OTUD7A: variants seen among roughly 807,000 people sequenced by gnomAD.
The protein encoded by OTUD7A is OTU deubiquitinase 7A, also known as OTU domain-containing protein 7A.
In OTUD7A, 12 loss-of-function variants were observed where a neutral mutation model predicts 65.7. That is an observed-to-expected ratio of 0.18 (90% confidence interval 0.12 to 0.30). The LOEUF (loss-of-function observed/expected upper bound fraction) is 0.30. Ranked by LOEUF, OTUD7A falls within the 10% of genes least tolerant of loss-of-function variation. The pLI, the probability that OTUD7A is intolerant of heterozygous loss-of-function variation, is 1.00. For synonymous variants in OTUD7A, 641 were observed against 586.3 expected (o/e 1.09, Z -1.35); for missense variants, 1,148 against 1,304.8 (o/e 0.88, Z 1.85).
chr15:31,628,155 G>A (rs1458842655), intron 3 of OTUD7A, among the ~76,000 whole-genome samples: 4 of 152,136 alleles, frequency 2.6e-5, no homozygotes, highest in African/African-American at 9.7e-5. Flanking sequence ...TTTTAGACAT[G>A]AAGTCCTTGC....
intron 1 of OTUD7A, among the ~76,000 whole-genome samples, chr15:31,836,513 T>C (rs1351976493): frequency 6.6e-6 from 1 of 152,192 alleles, no homozygotes; most frequent in Non-Finnish European, 1.5e-5. Context: ...CAACTAATTG[T>C]ATGAGGCTCA....
chr15:31,701,386 ATTAT>A (rs1157606583), intron 1 of OTUD7A, among the ~76,000 whole-genome samples: 2 of 151,120 alleles, frequency 1.3e-5, no homozygotes, highest in Non-Finnish European at 2.9e-5. Context: ...TTAAAAAATT[ATTAT>A]TTAAAGTTAT....
At chr15:31,532,424 T>G (rs1046803327) in intron 5 of OTUD7A, among the ~76,000 whole-genome samples, 4 of 151,744 alleles carry the variant, frequency 2.6e-5, no homozygotes, top group Non-Finnish European at 5.9e-5. Flanking sequence ...TTTTAAAAAC[T>G]CAATGGATGT....
intron 1 of OTUD7A, among the ~76,000 whole-genome samples, chr15:31,821,114 A>ATAAATCAG (rs1896668650): frequency 1.3e-5 from 2 of 150,138 alleles, no homozygotes; most frequent in South Asian, 4.2e-4. Flanking sequence ...TCGTTGTGGC[A>ATAAATCAG]TAAATCAGTT....
At chr15:31,553,618 T>C (rs547235429) in intron 5 of OTUD7A, among the ~76,000 whole-genome samples, 1 of 151,734 alleles carries the variant, frequency 6.6e-6, no homozygotes. Flanking sequence ...TCAGGCAACA[T>C]TATCTACCCC....
rs1216529975 is a variant in OTUD7A, at chr15:31,476,706, G to A, written c.*6588C>T. The A allele has an allele frequency of 6.6e-6, 1 of 152,242 alleles. No individual in the cohort carries two copies. Among genetic ancestry groups the A allele is most frequent in the Non-Finnish European group, 1.5e-5 (1 of 68,060 alleles). 9.4% of individuals were successfully genotyped at this position (152,242 alleles called of 1,614,324 possible). A position where few individuals can be genotyped will look rare whatever the true frequency, so the allele number is the denominator to read the frequency against. The stretch of plus-strand genomic sequence containing the variant: ...CCTCCCACGAGGGACCTGAAAATAT[G>A]GCATCAAGAGAAATGACAGCAAAAC... On this transcript the variant is annotated 3_prime_UTR_variant, in exon 13 of 13. Coordinates refer to ENST00000307050, the MANE Select transcript of OTUD7A (RefSeq NM_001382637.1).
chr15:31,841,136 T>C (rs568921580), intron 1 of OTUD7A, among the ~76,000 whole-genome samples: 2 of 152,232 alleles, frequency 1.3e-5, no homozygotes, highest in Admixed American at 6.5e-5. Context: ...GTGGGGGCTG[T>C]GGTGTGGCAG....
chr15:31,565,577 A>G (rs1167606897), intron 4 of OTUD7A, among the ~76,000 whole-genome samples: 1 of 152,220 alleles, frequency 6.6e-6, no homozygotes, highest in Non-Finnish European at 1.5e-5. Context: ...TTTAAGGTTT[A>G]GATGGCAAAA....
intron 1 of OTUD7A, among the ~76,000 whole-genome samples, chr15:31,800,662 T>C (rs1348234923): frequency 6.6e-6 from 1 of 152,164 alleles, no homozygotes; most frequent in African/African-American, 2.4e-5. Flanking sequence ...CTCCCATTCT[T>C]AGGCCCCTCT....
intron 1 of OTUD7A, among the ~76,000 whole-genome samples, chr15:31,778,493 T>C (rs193234997): frequency 2.0e-4 from 30 of 152,316 alleles, no homozygotes; most frequent in Admixed American, 2.0e-3. Flanking sequence ...AGTTGACCAA[T>C]GCCCTGAACT....
At chr15:31,760,680 CT>C (rs958018462) in intron 1 of OTUD7A, among the ~76,000 whole-genome samples, 6 of 151,872 alleles carry the variant, frequency 4.0e-5, no homozygotes, top group African/African-American at 9.7e-5. Context: ...TTCCAGCTGG[CT>C]TTTTTTTCAG....
At chr15:31,700,468 T>C (rs1236545720) in intron 1 of OTUD7A, among the ~76,000 whole-genome samples, 1 of 151,618 alleles carries the variant, frequency 6.6e-6, no homozygotes, top group Non-Finnish European at 1.5e-5. Context: ...GACTGAAAAA[T>C]TGAATTCTCC....
At chr15:31,780,400 TA>T (rs1447086461) in intron 1 of OTUD7A, among the ~76,000 whole-genome samples, 1 of 152,196 alleles carries the variant, frequency 6.6e-6, no homozygotes, top group Admixed American at 6.5e-5. Flanking sequence ...TGATTTAAAA[TA>T]AAAAAAGTAT....
intron 1 of OTUD7A, among the ~76,000 whole-genome samples, chr15:31,714,314 A>C (rs1367855508): frequency 6.6e-6 from 1 of 152,202 alleles, no homozygotes; most frequent in Non-Finnish European, 1.5e-5. Context: ...TGAATGAATG[A>C]ACTGGTGGTA....
At chr15:31,783,738 GA>G (rs1220028831) in intron 1 of OTUD7A, among the ~76,000 whole-genome samples, 1 of 152,130 alleles carries the variant, frequency 6.6e-6, no homozygotes, top group East Asian at 1.9e-4. Flanking sequence ...TATTTCCATG[GA>G]ACATCATTTT....
chr15:31,701,435 A>C (rs1258720642), intron 1 of OTUD7A, among the ~76,000 whole-genome samples: 1 of 151,822 alleles, frequency 6.6e-6, no homozygotes, highest in African/African-American at 2.4e-5. Context: ...TAAAAAGTTT[A>C]AAAAGATGAC....
chr15:31,690,889 T>C (rs1237124986), intron 1 of OTUD7A, among the ~76,000 whole-genome samples: 3 of 152,200 alleles, frequency 2.0e-5, no homozygotes, highest in Admixed American at 2.0e-4. Context: ...TTCTTGGGTA[T>C]GACACCACCA....
At chr15:31,730,279 T>C (rs1272508345) in intron 1 of OTUD7A, among the ~76,000 whole-genome samples, 3 of 152,214 alleles carry the variant, frequency 2.0e-5, no homozygotes, top group Admixed American at 2.0e-4. Flanking sequence ...GGCTACAGTA[T>C]TCTGTGATAG....
chr15:31,639,331 G>A (rs1350465577), intron 3 of OTUD7A, among the ~76,000 whole-genome samples: 2 of 150,840 alleles, frequency 1.3e-5, no homozygotes, highest in South Asian at 2.1e-4. Flanking sequence ...GTTGTTGCAC[G>A]TTATCAATAA....
Sources: allele counts gnomAD v4.1 joint callset (sites outside exome capture counted in the v4.1 genomes callset), GRCh38; gene constraint gnomAD v4.1.1; transcripts MANE v1.5; gene names NCBI Gene and HGNC (gene_info 2026-07-23, HGNC 2026-07-21).